The following BBS2 variants were observed in gnomAD, a reference collection of about 807,000 sequenced individuals.
The protein encoded by BBS2 is Bardet-Biedl syndrome 2.
In BBS2, 62 loss-of-function variants were observed where a neutral mutation model predicts 83.0. That is an observed-to-expected ratio of 0.75 (90% CI 0.61 to 0.92). BBS2 has a LOEUF of 0.92. Among genes scored for constraint, BBS2 ranks in the 40% least tolerant of loss-of-function variants. The pLI is 0.00. For synonymous variants in BBS2, 303 were observed against 326.1 expected (o/e 0.93, Z 0.76); for missense variants, 784 against 901.0 (o/e 0.87, Z 1.66).
chr16:56,503,071 G>A (rs1964322458), intron 7 of BBS2, among the ~76,000 whole-genome samples: 1 of 152,092 alleles, frequency 6.6e-6, no homozygotes, highest in South Asian at 2.1e-4. Flanking sequence ...TGAAGAAACG[G>A]GTCTGCTAAG....
At chr16:56,503,651 G>A (rs781441399) in intron 7 of BBS2, among the ~76,000 whole-genome samples, 18 of 152,230 alleles carry the variant, frequency 1.2e-4, no homozygotes, top group Non-Finnish European at 2.5e-4. Context: ...CGGGCACAGT[G>A]GCTCACGCCT....
chr16:56,513,740 G>T (rs1366390409), intron 2 of BBS2, among the ~76,000 whole-genome samples: 2 of 152,140 alleles, frequency 1.3e-5, no homozygotes, highest in African/African-American at 4.8e-5. Flanking sequence ...TTTTTAGGGG[G>T]TAATAAAAAT....
chr16:56,497,350 G>C, intron 14 of BBS2: 1 of 529,374 alleles, frequency 1.9e-6, no homozygotes, highest in Non-Finnish European at 3.4e-6. Flanking sequence ...TTAGGGATTT[G>C]CAGTGGGAAT....
intron 5 of BBS2, 138 bp from the exon 6 acceptor site, chr16:56,506,362 G>A: frequency 2.8e-6 from 2 of 706,994 alleles, no homozygotes; most frequent in South Asian, 3.0e-5. Flanking sequence ...TCCATTAGTG[G>A]GGAATGTATT....
chr16:56,485,203 G>T (rs1963740943), intron 16 of BBS2, among the ~76,000 whole-genome samples: 1 of 152,054 alleles, frequency 6.6e-6, no homozygotes, highest in South Asian at 2.1e-4. Flanking sequence ...GCTTCCTTGG[G>T]TTTATCCTAT....
In BBS2 at chr16:56,499,781, C is replaced by G; in HGVS notation, c.1524G>C (p.Gln508His). ...YVNFTIAERA[Q>H]RVVVWLGQNF... is the part of the protein sequence containing the mutation. ...AAGAGAAAAGCGAGATACTCACCCT[C>G]TGTGCCCGTTCTGCAATGGTAAAGT... is the stretch of plus-strand genomic sequence containing the variant. The change falls in exon 12 of 17, where the codon CAG (glutamine) becomes CAC (histidine). Residue 508 changes from glutamine to histidine, a missense_variant. Physicochemically the swap from Gln to His is conservative, Grantham distance 24. Coordinates refer to ENST00000245157, the MANE Select transcript of BBS2 (RefSeq NM_031885.5). 6.2e-7 allele frequency: 1 copy of G among 1,614,118 alleles called. No homozygotes were observed. The highest frequency in any genetic ancestry group is 2.2e-5 in the East Asian group (1 of 44,874).
intron 2 of BBS2, 59 bp downstream of exon 2, chr16:56,514,394 C>G (rs1412779834): frequency 2.7e-6 from 4 of 1,462,582 alleles, no homozygotes; most frequent in Non-Finnish European, 3.8e-6. Flanking sequence ...CTCTTCTAAG[C>G]ATAAAAAATG....
At chr16:56,479,486 T>A (rs1384471554), downstream of BBS2, among the ~76,000 whole-genome samples, 7 of 152,100 alleles carry the variant, frequency 4.6e-5, no homozygotes, top group Admixed American at 4.6e-4. Context: ...TCAAAAAAAA[T>A]AGCTTTCTGT....
chr16:56,479,309 G>C (rs996059455), intron 17 of BBS2, among the ~76,000 whole-genome samples: 1 of 151,996 alleles, frequency 6.6e-6, no homozygotes, highest in Non-Finnish European at 1.5e-5. Context: ...CCCTATCTCT[G>C]CTAAAAATAC....
rs747928244 is a variant in BBS2 at position 56,498,489 on chromosome 16, G to A, written c.1607C>T (p.Thr536Ile). The A allele has an allele frequency of 1.9e-6, 3 of 1,614,060 alleles. No homozygotes were observed. Among genetic ancestry groups the A allele is most frequent in the East Asian group, 2.2e-5 (1 of 44,862 alleles). The change falls in exon 13 of 17, where the codon ACA becomes ATA. Residue 536 changes from threonine to isoleucine, a missense_variant. By Grantham distance (89) the Thr-to-Ile change is moderately conservative (BLOSUM62 -1). Coordinates refer to ENST00000245157, the MANE Select transcript of BBS2 (RefSeq NM_031885.5). ...CAGGTGGCCGCCATTCCGTAAAGATGTGAAACACACTTGAAATGGAGCATT... is the reference window on the plus strand; with the variant it reads ...CAGGTGGCCGCCATTCCGTAAAGATATGAAACACACTTGAAATGGAGCATT... ...IQNAPFQVCFTSLRNGGHLHI... is the reference protein window; with the variant it reads ...IQNAPFQVCFISLRNGGHLHI...
intron 12 of BBS2, 80 bp downstream of exon 12, chr16:56,499,698 G>A: frequency 1.3e-6 from 2 of 1,579,250 alleles, no homozygotes; most frequent in Admixed American, 1.7e-5. Flanking sequence ...ACACATTAAT[G>A]TAATTTTCCC....
chr16:56,495,905 G>T (rs927895807), intron 15 of BBS2, among the ~76,000 whole-genome samples: 2 of 151,932 alleles, frequency 1.3e-5, no homozygotes, highest in Admixed American at 1.3e-4. Flanking sequence ...GCCTGGGAGG[G>T]AAAGAGGGTG....
intron 15 of BBS2, among the ~76,000 whole-genome samples, chr16:56,486,748 CTTTTTTTTTTTTTT>C (rs1190474419): frequency 1.2e-5 from 1 of 84,216 alleles, no homozygotes; most frequent in Non-Finnish European, 2.4e-5. Flanking sequence ...CAGAAATATT[CTTTTTTTTTTTTTT>C]TTTTTTTTTT....
exon 18 of BBS2, chr16:56,470,451 G>GAA: frequency 1.3e-6 from 2 of 1,549,128 alleles, no homozygotes; most frequent in Non-Finnish European, 1.7e-6. Flanking sequence ...TTACATCTGT[G>GAA]GCTTTGATGA....
At chr16:56,480,949 T>C (rs2144085346), downstream of BBS2, among the ~76,000 whole-genome samples, 1 of 152,260 alleles carries the variant, frequency 6.6e-6, no homozygotes, top group South Asian at 2.1e-4. Flanking sequence ...GATTACAAGA[T>C]GACTTCAGAG....
chr16:56,519,503 G>C (rs575179804), intron 1 of BBS2: 32 of 536,284 alleles, frequency 6.0e-5, no homozygotes, highest in Non-Finnish European at 1.0e-4. Flanking sequence ...CCTATGTCCA[G>C]GGACCCCGAC....
chr16:56,506,809 A>G (rs1026397338), intron 5 of BBS2, among the ~76,000 whole-genome samples: 2 of 152,250 alleles, frequency 1.3e-5, no homozygotes, highest in Non-Finnish European at 2.9e-5. Flanking sequence ...GAATGCATAT[A>G]TGATACAGAA....
chr16:56,518,195 C>G (rs1964806089), intron 1 of BBS2, among the ~76,000 whole-genome samples: 1 of 152,178 alleles, frequency 6.6e-6, no homozygotes, highest in Non-Finnish European at 1.5e-5. Context: ...CTCTGTTATA[C>G]TACTTAATGA....
chr16:56,518,703 T>C (rs1351972843), intron 1 of BBS2, among the ~76,000 whole-genome samples: 2 of 100,310 alleles, frequency 2.0e-5, no homozygotes, highest in Non-Finnish European at 5.1e-5. Context: ...CTACATTCCA[T>C]GTATTTTGGG....
Sources: allele counts gnomAD v4.1 joint callset (sites outside exome capture counted in the v4.1 genomes callset), GRCh38; gene constraint gnomAD v4.1.1; transcripts MANE v1.5; gene names NCBI Gene and HGNC (gene_info 2026-07-23, HGNC 2026-07-21).